Variants in TSHZ3 observed in about 807,000 individuals in gnomAD.
TSHZ3 encodes teashirt homolog 3.
A neutral mutation model predicts 64.5 loss-of-function variants in TSHZ3; 10 were observed. The observed-to-expected ratio is 0.16, with a 90% CI of 0.10 to 0.26. The LOEUF (loss-of-function observed/expected upper bound fraction) is 0.26, where lower values mean the gene tolerates loss of function less well. Ranked by LOEUF, TSHZ3 falls within the 10% of genes least tolerant of loss-of-function variation. TSHZ3 has a pLI of 1.00. For missense variants in TSHZ3, 1,242 were observed against 1,421.7 expected, an observed-to-expected ratio of 0.87 and a Z score of 2.03; for synonymous variants, 608 against 593.1, an observed-to-expected ratio of 1.03 and a Z score of -0.36.
chr19:31,339,194 C>CT (rs373268669), intron 1 of TSHZ3, among the ~76,000 whole-genome samples: 18 of 144,530 alleles, frequency 1.2e-4, no homozygotes, highest in Middle Eastern at 3.6e-3. Context: ...TTTCTTTTTT[C>CT]TTTTTTTTTT....
chr19:31,172,860 G>T (rs1974555237), intron 5 of TSHZ3, among the ~76,000 whole-genome samples: 1 of 152,192 alleles, frequency 6.6e-6, no homozygotes, highest in African/African-American at 2.4e-5. Flanking sequence ...AGAGGCAAAG[G>T]CCCTGGGGCA....
intron 1 of TSHZ3, among the ~76,000 whole-genome samples, chr19:31,297,115 T>C (rs1250526043): frequency 1.3e-5 from 2 of 152,182 alleles, no homozygotes; most frequent in African/African-American, 4.8e-5. Context: ...TTGTCCCCCA[T>C]TGTGGGAATC....
chr19:31,260,231 C>T (rs1257022928), intron 1 of TSHZ3, among the ~76,000 whole-genome samples: 3 of 152,116 alleles, frequency 2.0e-5, no homozygotes, highest in Non-Finnish European at 4.4e-5. Flanking sequence ...ATCCTGAGTT[C>T]CCCTCTTGCT....
At chr19:31,176,039 GA>G (rs927354864) in intron 5 of TSHZ3, among the ~76,000 whole-genome samples, 17 of 152,370 alleles carry the variant, frequency 1.1e-4, no homozygotes, top group Middle Eastern at 3.4e-3. Context: ...GGTCTGAGGG[GA>G]AAGTTCTGTG....
At chr19:31,164,635 G>T (rs545603730) in intron 5 of TSHZ3, among the ~76,000 whole-genome samples, 3 of 152,200 alleles carry the variant, frequency 2.0e-5, no homozygotes, top group South Asian at 4.2e-4. Context: ...AAGTCACACC[G>T]ACCTCTCTGG....
At position 31,277,990 on chromosome 19, in the gene TSHZ3, G is replaced by C. The variant is rs755854230; in HGVS notation, c.1803C>G (p.Pro601=). ...TGGCATGAAAGTTTGTCTTGGGCAT[G>C]GGGGACGTCTGGCTGCTGGGTGGAG... The part of the protein sequence containing the change: ...LVSPPSSQTS[P]MPKTNFHAME... Residue 601 remains proline (P), a synonymous_variant, in exon 2 of 2, where the codon CCC becomes CCG. Transcript: ENST00000240587. The surrounding 1 kb of genome is among the most constrained non-coding windows in gnomAD (Gnocchi z 4.5). 6 of 1,614,182 alleles carry C rather than the reference G, an allele frequency of 3.7e-6. No individual in the cohort carries two copies. The highest frequency in any genetic ancestry group is 5.1e-6 in the Non-Finnish European group (6 of 1,180,006).
chr19:31,278,389 C>T lies in TSHZ3; in HGVS notation c.1404G>A (p.Val468=), dbSNP rs765275276. 7 of 1,614,156 alleles carry T rather than the reference C, an allele frequency of 4.3e-6. No homozygotes were observed. Among genetic ancestry groups the T allele is most frequent in the Non-Finnish European group, 5.9e-6 (7 of 1,180,032 alleles). ...CCTTGTCGACTTCCTTCTTGACCTC[C>T]ACATTCAGTTTTGGGGAGATGCTGG... The part of the protein sequence containing the change: ...TPASISPKLN[V]EVKKEVDKEK... The change falls in exon 2 of 2, where the codon GTG becomes GTA. Residue 468 remains valine, a synonymous_variant. Coordinates refer to ENST00000240587, the MANE Select transcript of TSHZ3 (RefSeq NM_020856.4). The surrounding 1 kb of genome is among the most constrained non-coding windows in gnomAD (Gnocchi z 4.7).
chr19:31,201,047 GA>G (rs1975078186), intron 5 of TSHZ3, among the ~76,000 whole-genome samples: 1 of 152,108 alleles, frequency 6.6e-6, no homozygotes, highest in African/African-American at 2.4e-5. Flanking sequence ...AGAAAATCTC[GA>G]AAGGATCCCA....
At chr19:31,264,420 C>T (rs536146619) in intron 1 of TSHZ3, among the ~76,000 whole-genome samples, 30 of 152,344 alleles carry the variant, frequency 2.0e-4, no homozygotes, top group African/African-American at 6.7e-4. Flanking sequence ...GCCTCCTCCT[C>T]CCTCCTATCT....
At chr19:31,271,608 G>A (rs1417180357), downstream of TSHZ3, among the ~76,000 whole-genome samples, 1 of 152,206 alleles carries the variant, frequency 6.6e-6, no homozygotes, top group Non-Finnish European at 1.5e-5. Context: ...GTATTTTGCA[G>A]AGGCCGGTGA....
chr19:31,300,590 C>A (rs1457781082), intron 1 of TSHZ3, among the ~76,000 whole-genome samples: 1 of 152,162 alleles, frequency 6.6e-6, no homozygotes, highest in Admixed American at 6.5e-5. Context: ...CCAGGCCTCT[C>A]TAACGATGCA....
chr19:31,270,591 G>A (rs1013660773), downstream of TSHZ3, among the ~76,000 whole-genome samples: 9 of 152,180 alleles, frequency 5.9e-5, no homozygotes, highest in African/African-American at 1.7e-4. Context: ...TTGCGATTAC[G>A]GGCTTGGGCC....
chr19:31,204,632 A>G (rs1235509551), intron 5 of TSHZ3: 1 of 152,168 alleles, frequency 6.6e-6, no homozygotes, highest in Non-Finnish European at 1.5e-5. Context: ...CAGAATGTTA[A>G]GTTACTGACA....
chr19:31,338,282 G>C (rs1917314468), intron 1 of TSHZ3, among the ~76,000 whole-genome samples: 1 of 152,248 alleles, frequency 6.6e-6, no homozygotes, highest in Non-Finnish European at 1.5e-5. Flanking sequence ...ACAGCTCAAG[G>C]GTGCAAACCC....
At chr19:31,320,340 C>T (rs1431617533) in intron 1 of TSHZ3, among the ~76,000 whole-genome samples, 1 of 152,204 alleles carries the variant, frequency 6.6e-6, no homozygotes, top group East Asian at 1.9e-4. Flanking sequence ...CTTGCTTTAT[C>T]TACCCATATA....
chr19:31,204,861 C>T (rs1975142498), intron 5 of TSHZ3: 1 of 152,556 alleles, frequency 6.6e-6, no homozygotes, highest in South Asian at 2.1e-4. Flanking sequence ...AGAGCCTTCC[C>T]TTCCCTTGGT....
rs1976277628 is a variant in TSHZ3, at chr19:31,277,908, T to G, written c.1885A>C (p.Lys629Gln). ...EKVAKVEEKM[K>Q]EPDGKLSPPK... ...GGGGAAAGCTTCCCATCCGGCTCCTTCATCTTCTCCTCCACTTTGGCAACT... is the reference window on the plus strand; with the variant it reads ...GGGGAAAGCTTCCCATCCGGCTCCTGCATCTTCTCCTCCACTTTGGCAACT... The change falls in exon 2 of 2, where the codon AAG becomes CAG. Residue 629 changes from lysine to glutamine, a missense_variant. Transcript: ENST00000240587. This position sits in a 1 kb window ranked among gnomAD's most constrained non-coding sequence, Gnocchi z 4.5. The G allele has an allele frequency of 1.2e-6, 2 of 1,613,890 alleles. No individual in the cohort carries two copies. The highest frequency in any genetic ancestry group is 1.7e-6 in the Non-Finnish European group (2 of 1,179,958).
At chr19:31,254,206 C>T (rs905145683) in intron 1 of TSHZ3, among the ~76,000 whole-genome samples, 1 of 152,220 alleles carries the variant, frequency 6.6e-6, no homozygotes, top group African/African-American at 2.4e-5. Context: ...GTCTTAGCAT[C>T]CCCTGCTCCA....
At chr19:31,231,354 C>A (rs555968983) in intron 3 of TSHZ3, among the ~76,000 whole-genome samples, 101 of 152,216 alleles carry the variant, frequency 6.6e-4, no homozygotes, top group Admixed American at 2.7e-3. Flanking sequence ...CCTGGCTGAT[C>A]TACATTGATT....
Sources: gnomAD v4.1 joint callset for allele counts (sites outside exome capture counted in the v4.1 genomes callset) on GRCh38, gnomAD v4.1.1 for gene constraint, Gnocchi (gnomAD v3.1) non-coding constraint, MANE v1.5 for transcripts, NCBI Gene and HGNC (gene_info 2026-07-23, HGNC 2026-07-21) for gene names.